The following RXFP1 variants were observed in gnomAD, a reference collection of about 807,000 sequenced individuals.
The protein encoded by RXFP1 is relaxin receptor 1.
RXFP1 carries 73 observed loss-of-function variants against 89.8 expected under a neutral mutation model. The ratio of observed to expected loss-of-function variants is 0.81; its 90% CI spans 0.67 to 0.99. The LOEUF is 0.99. RXFP1 is among the 50% of genes least tolerant of loss of function. The pLI, the probability that RXFP1 is intolerant of heterozygous loss-of-function variation, is 0.00. For missense variants in RXFP1, 793 were observed against 895.5 expected (o/e 0.89, Z 1.46); for synonymous variants, 277 against 305.5 (o/e 0.91, Z 0.97).
intron 14 of RXFP1, 78 bp downstream of exon 14, chr4:158,639,409 A>G: frequency 2.4e-6 from 2 of 821,996 alleles, no homozygotes; most frequent in Non-Finnish European, 4.1e-6. Context: ...CATCCAATCT[A>G]TTAATATTTT....
chr4:158,561,480 G>A (rs1369166038), intron 1 of RXFP1, among the ~76,000 whole-genome samples: 1 of 151,996 alleles, frequency 6.6e-6, no homozygotes, highest in East Asian at 1.9e-4. Flanking sequence ...AATAAATTTT[G>A]TGTTTAGATT....
intron 1 of RXFP1, among the ~76,000 whole-genome samples, chr4:158,563,528 ACACACACACC>A (rs1436373747): frequency 2.1e-4 from 31 of 150,048 alleles, no homozygotes; most frequent in Admixed American, 2.1e-3. Flanking sequence ...ACACACACAC[ACACACACACC>A]CCAACAGGAA....
chr4:158,610,740 A>G lies in RXFP1; in HGVS notation c.537-1390A>G, dbSNP rs1763428882. On this transcript the variant is annotated intron_variant, in intron 6 of 17. Transcript: ENST00000307765. ...TGTCTTTTACCTGGAGGGTTTTTGTATAAGAGAACACCCTGAGGTTGTAAG... is the reference window on the plus strand; with the variant it reads ...TGTCTTTTACCTGGAGGGTTTTTGTGTAAGAGAACACCCTGAGGTTGTAAG... 3 of 1,277,990 alleles carry G rather than the reference A, an allele frequency of 2.3e-6. No individual in the cohort carries two copies. In the Admixed American group the frequency reaches 6.9e-5, roughly 29 times the overall value. 79.2% of individuals were successfully genotyped at this position (1,277,990 alleles called of 1,614,324 possible). A position where few individuals can be genotyped will look rare whatever the true frequency, so the allele number is the denominator to read the frequency against.
chr4:158,591,610 G>A (rs997289729), intron 2 of RXFP1, among the ~76,000 whole-genome samples: 5 of 150,574 alleles, frequency 3.3e-5, no homozygotes, highest in East Asian at 1.9e-4. Context: ...AAAATTAGTC[G>A]TGGTGGTGCA....
At chr4:158,646,347 A>T in intron 15 of RXFP1, 1 of 510,006 alleles carries the variant, frequency 2.0e-6, no homozygotes, top group Non-Finnish European at 3.6e-6. Flanking sequence ...CTTGTGAATT[A>T]CTTTCTCCAA....
At chr4:158,545,726 T>C (rs2149854540) in intron 1 of RXFP1, among the ~76,000 whole-genome samples, 1 of 152,330 alleles carries the variant, frequency 6.6e-6, no homozygotes, top group East Asian at 1.9e-4. Context: ...CCATTGCTTG[T>C]TTTTGTCAGG....
In RXFP1 at chr4:158,651,915, A is replaced by T; in HGVS notation, c.2134A>T (p.Thr712Ser). 6.2e-7 allele frequency: 1 copy of T among 1,614,176 alleles called. No individual in the cohort carries two copies. The highest frequency in any genetic ancestry group is 8.5e-7 in the Non-Finnish European group (1 of 1,180,022). The change falls in exon 18 of 18, where the codon ACA becomes TCA. Residue 712 changes from threonine (T) to serine (S), a missense_variant. Coordinates refer to ENST00000307765, the MANE Select transcript of RXFP1 (RefSeq NM_021634.4). ...ATCTATGGACAGCAAAGGTCAGAAA[A>T]CATATGCTCCATCATTCATCTGGGT... ...RKSMDSKGQK[T>S]YAPSFIWVEM... is the part of the protein sequence containing the mutation.
intron 8 of RXFP1, among the ~76,000 whole-genome samples, chr4:158,614,489 TG>T (rs1764175638): frequency 6.6e-6 from 1 of 152,228 alleles, no homozygotes; most frequent in South Asian, 2.1e-4. Flanking sequence ...TGCTTCACTT[TG>T]TAATTTTCTG....
At chr4:158,620,835 C>A (rs1460509965) in intron 9 of RXFP1, among the ~76,000 whole-genome samples, 1 of 152,172 alleles carries the variant, frequency 6.6e-6, no homozygotes, top group East Asian at 1.9e-4. Flanking sequence ...GCTGATGAAT[C>A]TTTGGCCGGG....
intron 14 of RXFP1, 65 bp from the exon 15 acceptor site, chr4:158,644,844 A>T: frequency 9.4e-7 from 1 of 1,059,088 alleles, no homozygotes; most frequent in South Asian, 1.4e-5. Flanking sequence ...TAGGAAATAA[A>T]TATGAATGTA....
rs542464846 is a variant in RXFP1, at chr4:158,559,994, A to G, written c.50-12704A>G. Among the ~76,000 whole-genome samples the G allele has an allele frequency of 1.1e-4, 17 of 152,336 alleles. No individual in the cohort carries two copies. The South Asian group carries it at 3.1e-3, about 28-fold the overall frequency. On this transcript the variant is annotated intron_variant, in intron 1 of 17. Coordinates refer to ENST00000307765, the MANE Select transcript of RXFP1 (RefSeq NM_021634.4). ...GAGTAAAGACAACTTCTATTCTCCT[A>G]TTCCAGGAAAGTTTACATAATGTCT... is the stretch of plus-strand genomic sequence containing the variant.
chr4:158,609,048 T>C (rs1204636148), intron 6 of RXFP1, among the ~76,000 whole-genome samples: 1 of 152,240 alleles, frequency 6.6e-6, no homozygotes, highest in Non-Finnish European at 1.5e-5. Context: ...AGTGGACATT[T>C]GGGTTGTTTC....
chr4:158,553,665 C>A (rs1044165209), intron 1 of RXFP1, among the ~76,000 whole-genome samples: 7 of 152,040 alleles, frequency 4.6e-5, no homozygotes, highest in Admixed American at 1.3e-4. Context: ...AGCTCTTACA[C>A]AGAAAGGCAG....
At chr4:158,647,868 T>G (rs1771867709) in intron 16 of RXFP1, among the ~76,000 whole-genome samples, 1 of 152,052 alleles carries the variant, frequency 6.6e-6, no homozygotes, top group Non-Finnish European at 1.5e-5. Flanking sequence ...ATAGAAAAAT[T>G]AGCCGGGCAT....
intron 6 of RXFP1, among the ~76,000 whole-genome samples, chr4:158,608,279 CTT>C (rs756131500): frequency 4.8e-3 from 367 of 76,020 alleles, no homozygotes; most frequent in African/African-American, 0.023. Flanking sequence ...GTATTCCTTT[CTT>C]TTTTTTTTTT....
At chr4:158,559,536 T>C (rs1331487038) in intron 1 of RXFP1, among the ~76,000 whole-genome samples, 2 of 152,192 alleles carry the variant, frequency 1.3e-5, no homozygotes, top group Non-Finnish European at 2.9e-5. Flanking sequence ...CTGAGCTTTT[T>C]TCCCCTATAC....
chr4:158,579,012 G>T (rs1248215077), intron 2 of RXFP1, among the ~76,000 whole-genome samples: 2 of 146,620 alleles, frequency 1.4e-5, no homozygotes, highest in Non-Finnish European at 3.0e-5. Flanking sequence ...ATCAGGGTGG[G>T]CCCTAGATCC....
At chr4:158,554,559 G>A (rs1750853758) in intron 1 of RXFP1, among the ~76,000 whole-genome samples, 1 of 152,080 alleles carries the variant, frequency 6.6e-6, no homozygotes, top group Admixed American at 6.5e-5. Flanking sequence ...AGTGGATATA[G>A]ATCTACTTCA....
At chr4:158,609,408 T>TA (rs768214564) in intron 6 of RXFP1, among the ~76,000 whole-genome samples, 264 of 151,248 alleles carry the variant, frequency 1.7e-3, no homozygotes, top group Middle Eastern at 3.4e-3. Context: ...GTGCTTCTTT[T>TA]AAAAAAAAAG....
Sources: gnomAD v4.1 joint callset for allele counts (sites outside exome capture counted in the v4.1 genomes callset) on GRCh38, gnomAD v4.1.1 for gene constraint, MANE v1.5 for transcripts, NCBI Gene and HGNC (gene_info 2026-07-23, HGNC 2026-07-21) for gene names.